Variants in LARP1B observed in about 807,000 individuals in gnomAD.
The protein encoded by LARP1B is la-related protein 1B.
LARP1B carries 76 observed loss-of-function variants against 114.2 expected under a neutral mutation model. The observed-to-expected ratio is 0.67, with a 90% confidence interval of 0.55 to 0.81. The LOEUF is 0.81. Ranked by LOEUF, LARP1B falls within the 30% of genes least tolerant of loss-of-function variation. The probability of loss-of-function intolerance (pLI) is 0.00; values close to 1 mark genes in which losing one functional copy is unlikely to be tolerated. For synonymous variants in LARP1B, 345 were observed against 348.0 expected (o/e 0.99, Z 0.10); for missense variants, 1,014 against 1,075.8 (o/e 0.94, Z 0.80).
chr4:128,204,329 T>C (rs1024362847), intron 17 of LARP1B, among the ~76,000 whole-genome samples: 1 of 151,992 alleles, frequency 6.6e-6, no homozygotes, highest in Admixed American at 6.6e-5. Flanking sequence ...AGGGTGACTA[T>C]AGTCAATGGT....
At chr4:128,132,085 TC>T (rs781696942) in intron 11 of LARP1B, among the ~76,000 whole-genome samples, 3 of 152,180 alleles carry the variant, frequency 2.0e-5, no homozygotes, top group Non-Finnish European at 4.4e-5. Context: ...AAGACATTTG[TC>T]CACACAGATG....
chr4:128,092,746 G>A, intron 7 of LARP1B: 11 of 985,366 alleles, frequency 1.1e-5, no homozygotes, highest in Non-Finnish European at 1.3e-5. Context: ...GGAGCAACTT[G>A]TTTATATTGT....
chr4:128,111,625 C>T (rs1219699742), intron 9 of LARP1B, among the ~76,000 whole-genome samples: 1 of 152,036 alleles, frequency 6.6e-6, no homozygotes, highest in African/African-American at 2.4e-5. Context: ...ATTACTTGAG[C>T]GCAGGAGTTT....
chr4:128,078,777 C>T (rs368290510), intron 4 of LARP1B, among the ~76,000 whole-genome samples: 5 of 152,026 alleles, frequency 3.3e-5, no homozygotes, highest in South Asian at 2.1e-4. Context: ...AATCAGTGCT[C>T]GGAGTCTTCG....
intron 11 of LARP1B, chr4:128,155,506 A>G (rs1735114239): frequency 3.8e-6 from 3 of 791,906 alleles, no homozygotes; most frequent in Admixed American, 3.4e-5. Context: ...CCTCGTGCCA[A>G]GGATCAGCAA....
intron 1 of LARP1B, chr4:128,061,710 C>T: frequency 1.0e-6 from 1 of 984,934 alleles, no homozygotes; most frequent in Non-Finnish European, 1.2e-6. Context: ...ACTCGCGCCC[C>T]GATGCCCGCC....
At chr4:128,197,998 C>G (rs1754806123) in intron 15 of LARP1B, among the ~76,000 whole-genome samples, 1 of 148,844 alleles carries the variant, frequency 6.7e-6, no homozygotes, top group Non-Finnish European at 1.5e-5. Context: ...GATTTTCCTG[C>G]CTCAGCCTCC....
At chr4:128,066,809 T>A (rs1763107688) in intron 1 of LARP1B, among the ~76,000 whole-genome samples, 1 of 149,556 alleles carries the variant, frequency 6.7e-6, no homozygotes, top group Non-Finnish European at 1.5e-5. Context: ...TTTTTTTTTT[T>A]TTTTTGAGAC....
chr4:128,078,758 T>C (rs192492849), intron 4 of LARP1B, among the ~76,000 whole-genome samples: 258 of 152,318 alleles, frequency 1.7e-3, no homozygotes, highest in African/African-American at 5.7e-3. Context: ...ATGATTTACA[T>C]GCTTTGTAAA....
chr4:128,194,323 C>T (rs957395326), intron 15 of LARP1B, among the ~76,000 whole-genome samples: 3 of 152,046 alleles, frequency 2.0e-5, no homozygotes, highest in East Asian at 2.0e-4. Context: ...CCGCCCACCT[C>T]GGCCTCCGAA....
intron 5 of LARP1B, among the ~76,000 whole-genome samples, chr4:128,083,435 C>A (rs571582287): frequency 1.4e-5 from 2 of 147,000 alleles, no homozygotes; most frequent in African/African-American, 5.0e-5. Flanking sequence ...GGCGGCTGGC[C>A]GGGCAGGGGG....
chr4:128,085,215 T>C (rs1488923252), intron 5 of LARP1B, among the ~76,000 whole-genome samples: 1 of 152,172 alleles, frequency 6.6e-6, no homozygotes, highest in Non-Finnish European at 1.5e-5. Flanking sequence ...TCTAGACTTT[T>C]AAAAAATTTT....
At chr4:128,111,020 G>C (rs964573606) in intron 9 of LARP1B, among the ~76,000 whole-genome samples, 4 of 151,544 alleles carry the variant, frequency 2.6e-5, no homozygotes, top group African/African-American at 7.3e-5. Flanking sequence ...AGGCCAGACT[G>C]GGTGACATAC....
chr4:128,179,768 C>G (rs1747705840), intron 15 of LARP1B, among the ~76,000 whole-genome samples: 1 of 151,720 alleles, frequency 6.6e-6, no homozygotes, highest in South Asian at 2.1e-4. Context: ...CTATGTAGGT[C>G]TATGAAAGTT....
intron 12 of LARP1B, among the ~76,000 whole-genome samples, chr4:128,170,862 TTTTTCTTTTC>T (rs1235781364): frequency 2.1e-5 from 3 of 144,916 alleles, no homozygotes; most frequent in Non-Finnish European, 4.5e-5. Context: ...ATTCATTTTC[TTTTTCTTTTC>T]TTTTTTTTTT....
At chr4:128,072,800 G>T (rs953701506) in intron 1 of LARP1B, among the ~76,000 whole-genome samples, 1 of 152,162 alleles carries the variant, frequency 6.6e-6, no homozygotes, top group South Asian at 2.1e-4. Context: ...CAAGAGATCT[G>T]CCTGCCTTGG....
At chr4:128,172,705 A>G (rs1744287646) in intron 12 of LARP1B, among the ~76,000 whole-genome samples, 1 of 151,922 alleles carries the variant, frequency 6.6e-6, no homozygotes, top group Admixed American at 6.6e-5. Context: ...AAAAAAAAAG[A>G]AAAGAAAATT....
In LARP1B at chr4:128,179,475, G is replaced by C; in HGVS notation, c.1966G>C (p.Asp656His). 1 of 1,609,906 alleles carries C rather than the reference G, an allele frequency of 6.2e-7. No homozygotes were observed. The highest frequency in any genetic ancestry group is 8.5e-7 in the Non-Finnish European group (1 of 1,177,908). ...AGAGTGTCATGTTGGTTGGGTAATGGATTCCAGAGACCGTGGGCCAGGAAC... is the reference window on the plus strand; with the variant it reads ...AGAGTGTCATGTTGGTTGGGTAATGCATTCCAGAGACCGTGGGCCAGGAAC... Reference protein sequence around the residue: ...PLECHVGWVMDSRDRGPGTSS... With the variant: ...PLECHVGWVMHSRDRGPGTSS... Residue 656 changes from aspartate to histidine, a missense_variant, in exon 15 of 20, where the codon GAT becomes CAT. Physicochemically the swap from Asp to His is moderately conservative, Grantham distance 81 (BLOSUM62 -1). Coordinates refer to ENST00000326639, the MANE Select transcript of LARP1B (RefSeq NM_018078.4).
intron 8 of LARP1B, among the ~76,000 whole-genome samples, chr4:128,100,325 T>C (rs968826518): frequency 3.3e-5 from 5 of 151,100 alleles, no homozygotes; most frequent in Admixed American, 2.0e-4. Flanking sequence ...CATGCTGGAG[T>C]GTTCTGGTGC....
Sources: allele counts gnomAD v4.1 joint callset (sites outside exome capture counted in the v4.1 genomes callset), GRCh38; gene constraint gnomAD v4.1.1; transcripts MANE v1.5; gene names NCBI Gene and HGNC (gene_info 2026-07-23, HGNC 2026-07-21).